Variants in FBXO34 observed in about 807,000 individuals in gnomAD.
The protein encoded by FBXO34 is F-box only protein 34.
FBXO34 carries 12 observed loss-of-function variants against 24.5 expected under a neutral mutation model. That is an observed-to-expected ratio of 0.49 (90% CI 0.31 to 0.79). The LOEUF is 0.79. Among genes scored for constraint, FBXO34 ranks in the 30% least tolerant of loss-of-function variants. The pLI is 0.04. For synonymous variants in FBXO34, 320 were observed against 311.9 expected (o/e 1.03, Z -0.27); for missense variants, 823 against 857.7 (o/e 0.96, Z 0.51).
chr14:55,430,880 A>G, the FBXO34 span, among the ~76,000 whole-genome samples: 1 of 152,206 alleles, frequency 6.6e-6, no homozygotes, highest in Non-Finnish European at 1.5e-5. Context: ...CATTTCCCGT[A>G]ATGTAAATAA....
intron 1 of FBXO34, among the ~76,000 whole-genome samples, chr14:55,330,594 G>T (rs113033175): frequency 6.6e-6 from 1 of 151,748 alleles, no homozygotes; most frequent in Non-Finnish European, 1.5e-5. Context: ...GACCAGCCTG[G>T]GTAACATAGT....
chr14:55,288,920 G>A (rs1009092689), intron 1 of FBXO34, among the ~76,000 whole-genome samples: 6 of 152,064 alleles, frequency 3.9e-5, no homozygotes, highest in African/African-American at 7.2e-5. Context: ...GCGTGGTGGC[G>A]CATGCCTGTA....
intron 1 of FBXO34, among the ~76,000 whole-genome samples, chr14:55,305,841 G>A (rs1026709370): frequency 1.3e-5 from 2 of 152,158 alleles, no homozygotes; most frequent in African/African-American, 2.4e-5. Flanking sequence ...TACTGTATCT[G>A]TGTATAAGGG....
the FBXO34 span, chr14:55,413,566 A>G: frequency 2.3e-6 from 1 of 439,144 alleles, no homozygotes; most frequent in Middle Eastern, 4.8e-4. Flanking sequence ...TTATGCCATG[A>G]ACTCATAGGG....
chr14:55,370,937 G>A (rs1426443510), downstream of FBXO34, among the ~76,000 whole-genome samples: 2 of 152,060 alleles, frequency 1.3e-5, no homozygotes, highest in Admixed American at 6.5e-5. Flanking sequence ...CACCACGCCC[G>A]GCCGCCTTTC....
At chr14:55,403,631 G>C in the FBXO34 span, among the ~76,000 whole-genome samples, 1 of 151,800 alleles carries the variant, frequency 6.6e-6, no homozygotes, top group Non-Finnish European at 1.5e-5. Context: ...ATAATATTGT[G>C]TACCGGCATG....
At chr14:55,296,600 A>C (rs1363924801) in intron 1 of FBXO34, among the ~76,000 whole-genome samples, 1 of 151,460 alleles carries the variant, frequency 6.6e-6, no homozygotes, top group African/African-American at 2.4e-5. Context: ...GTTTCACCAT[A>C]TTGCCCAGGC....
intron 1 of FBXO34, among the ~76,000 whole-genome samples, chr14:55,336,768 G>A (rs1014440087): frequency 3.3e-5 from 5 of 150,572 alleles, no homozygotes; most frequent in Admixed American, 6.6e-5. Flanking sequence ...GGATGTATCT[G>A]TAAGAGATGA....
chr14:55,364,890 C>A (rs1884646184), downstream of FBXO34, among the ~76,000 whole-genome samples: 1 of 151,708 alleles, frequency 6.6e-6, no homozygotes, highest in African/African-American at 2.4e-5. Flanking sequence ...ATGCACACGA[C>A]CATGCCTGGC....
chr14:55,311,562 G>A (rs942625749), intron 1 of FBXO34, among the ~76,000 whole-genome samples: 1 of 152,142 alleles, frequency 6.6e-6, no homozygotes, highest in Admixed American at 6.6e-5. Flanking sequence ...CTAGCAGCCT[G>A]TAAAATCAAA....
the FBXO34 span, among the ~76,000 whole-genome samples, chr14:55,422,792 G>A: frequency 3.9e-5 from 6 of 152,168 alleles, no homozygotes; most frequent in Non-Finnish European, 8.8e-5. Context: ...GGTGGAGGTT[G>A]CAGTGAGCTG....
rs1441849243 is a variant in FBXO34 at position 55,351,846 on chromosome 14, C to G, written c.1456C>G (p.Pro486Ala). 6.2e-7 allele frequency: 1 copy of G among 1,613,992 alleles called. No individual in the cohort carries two copies. The highest frequency in any genetic ancestry group is 1.7e-5 in the Admixed American group (1 of 60,012). The stretch of plus-strand genomic sequence containing the variant: ...AGTTCCAGGGATGTTGTTTTTTTTG[C>G]CACCTGGTCAGCACTTGTCAGACTA... ...DPVPGMLFFL[P>A]PGQHLSDYSQ... Residue 486 changes from proline (P) to alanine (A), a missense_variant, in exon 2 of 2, where the codon CCA (proline) becomes GCA (alanine). Pro to Ala is a conservative substitution (Grantham distance 27, BLOSUM62 -1). Coordinates refer to ENST00000313833, the MANE Select transcript of FBXO34 (RefSeq NM_017943.4).
chr14:55,417,571 T>C, the FBXO34 span, among the ~76,000 whole-genome samples: 2 of 151,754 alleles, frequency 1.3e-5, no homozygotes, highest in Non-Finnish European at 2.9e-5. Context: ...GTGATTCTCA[T>C]GCCTCAGCCT....
downstream of FBXO34, chr14:55,366,320 A>G (rs2297816): frequency 0.3 from 46,251 of 152,552 alleles, 7,331 homozygotes; most frequent in Non-Finnish European, 0.34. Flanking sequence ...CCAGGGTTCA[A>G]TCTCATTCTT....
At chr14:55,328,320 C>T (rs1288717900) in intron 1 of FBXO34, among the ~76,000 whole-genome samples, 2 of 152,146 alleles carry the variant, frequency 1.3e-5, no homozygotes, top group Non-Finnish European at 2.9e-5. Flanking sequence ...CACTATAAGG[C>T]TTCTCTTTGG....
chr14:55,411,919 C>G, the FBXO34 span: 3 of 1,152,836 alleles, frequency 2.6e-6, no homozygotes, highest in East Asian at 2.6e-5. Flanking sequence ...GGCTGGGATG[C>G]CGGCGAGCCC....
Position 55,320,314 on chromosome 14 carries a change from A to T in FBXO34, c.-10-30067A>T, listed in dbSNP as rs58448027. Among the ~76,000 whole-genome samples, 696 of 152,320 alleles carry T rather than the reference A, an allele frequency of 4.6e-3. 33 individuals are homozygous for T. In the East Asian group the frequency reaches 0.12, roughly 26 times the overall value. ...ACGGTGATTGTGTGCTTTGACCAGCAGCCTCAGACAAGACAAGCTCCTTTC... is the reference window on the plus strand; with the variant it reads ...ACGGTGATTGTGTGCTTTGACCAGCTGCCTCAGACAAGACAAGCTCCTTTC... On this transcript the variant is annotated intron_variant, in intron 1 of 1. Transcript: ENST00000313833.
the FBXO34 span, among the ~76,000 whole-genome samples, chr14:55,403,474 T>C: frequency 6.6e-6 from 1 of 151,938 alleles, no homozygotes; most frequent in African/African-American, 2.4e-5. Context: ...GAAACAAAAA[T>C]AGAAAAATTC....
At chr14:55,380,874 T>TAC in the FBXO34 span, among the ~76,000 whole-genome samples, 1 of 99,936 alleles carries the variant, frequency 1.0e-5, no homozygotes, top group African/African-American at 5.9e-5. Flanking sequence ...TATATATATA[T>TAC]ATTTTTTTTT....
Sources: allele counts gnomAD v4.1 joint callset (sites outside exome capture counted in the v4.1 genomes callset), GRCh38; gene constraint gnomAD v4.1.1; transcripts MANE v1.5; gene names NCBI Gene and HGNC (gene_info 2026-07-23, HGNC 2026-07-21).